The following WWOX variants were observed in gnomAD, a reference collection of about 807,000 sequenced individuals.
The protein encoded by WWOX is WW domain containing oxidoreductase.
A neutral mutation model predicts 46.2 loss-of-function variants in WWOX; 69 were observed. That is an observed-to-expected ratio of 1.49 (90% CI 1.23 to 1.82). The LOEUF is 1.82. Ranked by LOEUF, WWOX falls within the 40% of genes most tolerant of loss-of-function variation. WWOX has a pLI of 0.00. For missense variants in WWOX, 919 were observed against 542.6 expected, an observed-to-expected ratio of 1.69 and a Z score of -6.89; for synonymous variants, 359 against 202.6, an observed-to-expected ratio of 1.77 and a Z score of -6.56.
At chr16:78,810,771 C>G (rs1327159861) in intron 8 of WWOX, among the ~76,000 whole-genome samples, 3 of 152,122 alleles carry the variant, frequency 2.0e-5, no homozygotes, top group African/African-American at 7.2e-5. Flanking sequence ...TGAAGACTTT[C>G]TTTTTGGAGA....
chr16:78,610,301 T>C (rs2045870447), intron 8 of WWOX, among the ~76,000 whole-genome samples: 1 of 152,224 alleles, frequency 6.6e-6, no homozygotes, highest in South Asian at 2.1e-4. Context: ...CATTTAATTT[T>C]TCCACAAAAC....
At chr16:78,802,185 A>G (rs926887176) in intron 8 of WWOX, among the ~76,000 whole-genome samples, 14 of 116,896 alleles carry the variant, frequency 1.2e-4, no homozygotes, top group African/African-American at 3.2e-4. Flanking sequence ...AGTTTGTTTT[A>G]TATTTTGTTT....
At chr16:78,370,028 A>T (rs1017274961) in intron 5 of WWOX, among the ~76,000 whole-genome samples, 9 of 147,736 alleles carry the variant, frequency 6.1e-5, no homozygotes, top group Non-Finnish European at 1.3e-4. Flanking sequence ...GCTACCTGGG[A>T]GGCTGAAGCA....
intron 5 of WWOX, among the ~76,000 whole-genome samples, chr16:78,221,449 A>G (rs1287332354): frequency 1.3e-5 from 2 of 152,230 alleles, no homozygotes; most frequent in African/African-American, 4.8e-5. Flanking sequence ...CTTTGAAGAA[A>G]GCAATCTCCT....
At chr16:78,826,056 G>A (rs2051646336) in intron 8 of WWOX, 5 of 426,496 alleles carry the variant, frequency 1.2e-5, no homozygotes, top group Admixed American at 1.2e-4. Flanking sequence ...GCTTTGTAAA[G>A]ACATTTAATA....
rs899630615 is a variant in WWOX, at chr16:78,278,795, A to G, written c.517-108065A>G. On this transcript the variant is annotated intron_variant, in intron 5 of 8. Coordinates refer to ENST00000566780, the MANE Select transcript of WWOX (RefSeq NM_016373.4). ...TGTACGATTTGCAACAACATCTATT[A>G]TATGATTTAATTTATACCTTTATCA... The G allele has an allele frequency of 1.2e-4, 92 of 782,372 alleles. 4 individuals are homozygous for G. In the South Asian group the frequency reaches 1.5e-3, roughly 13 times the overall value. 48.5% of individuals were successfully genotyped at this position (782,372 alleles called of 1,614,324 possible). A position where few individuals can be genotyped will look rare whatever the true frequency, so the allele number is the denominator to read the frequency against.
At chr16:78,422,575 G>C (rs963143921) in intron 6 of WWOX, among the ~76,000 whole-genome samples, 1 of 147,032 alleles carries the variant, frequency 6.8e-6, no homozygotes, top group Non-Finnish European at 1.5e-5. Context: ...TTGAATACTG[G>C]GCTCAAGTGA....
intron 5 of WWOX, chr16:78,168,350 C>A (rs61747282): frequency 6.6e-6 from 1 of 152,090 alleles, no homozygotes; most frequent in Non-Finnish European, 1.5e-5. Context: ...GGACAGCTAA[C>A]AGCCCCCATT....
chr16:79,158,101 G>A (rs1330210405), intron 8 of WWOX, among the ~76,000 whole-genome samples: 2 of 152,092 alleles, frequency 1.3e-5, no homozygotes, highest in African/African-American at 2.4e-5. Context: ...AAGCATGGGA[G>A]GACAGAAAAG....
intron 8 of WWOX, among the ~76,000 whole-genome samples, chr16:78,564,073 A>G (rs2044505183): frequency 6.6e-6 from 1 of 152,206 alleles, no homozygotes; most frequent in Non-Finnish European, 1.5e-5. Context: ...ATGTTTCCAT[A>G]TTGCCCCAGC....
chr16:78,176,885 T>C (rs1193357616), intron 5 of WWOX, among the ~76,000 whole-genome samples: 1 of 152,200 alleles, frequency 6.6e-6, no homozygotes, highest in Non-Finnish European at 1.5e-5. Flanking sequence ...GTGGTCTCCG[T>C]GGTGTTTCAT....
At chr16:78,361,086 GT>G (rs560286691) in intron 5 of WWOX, among the ~76,000 whole-genome samples, 104 of 152,286 alleles carry the variant, frequency 6.8e-4, no homozygotes, top group Non-Finnish European at 1.1e-3. Flanking sequence ...GCTTCCCAAA[GT>G]GCTGGGATTA....
intron 8 of WWOX, among the ~76,000 whole-genome samples, chr16:78,471,250 A>G (rs1190281940): frequency 6.6e-6 from 1 of 152,212 alleles, no homozygotes; most frequent in East Asian, 1.9e-4. Flanking sequence ...TGTCCTGCCA[A>G]TTCTTGAGCT....
At chr16:79,195,837 G>T (rs388512) in intron 8 of WWOX, among the ~76,000 whole-genome samples, 2 of 152,006 alleles carry the variant, frequency 1.3e-5, no homozygotes, top group East Asian at 1.9e-4. Context: ...GCAAATGTGT[G>T]AGGAATTATA....
At chr16:79,027,827 T>A (rs1434909469) in intron 8 of WWOX, among the ~76,000 whole-genome samples, 1 of 151,902 alleles carries the variant, frequency 6.6e-6, no homozygotes, top group Non-Finnish European at 1.5e-5. Context: ...TTGCCTAGTG[T>A]CTTCTAAAGA....
chr16:79,003,589 G>T (rs1419232199), intron 8 of WWOX, among the ~76,000 whole-genome samples: 1 of 152,300 alleles, frequency 6.6e-6, no homozygotes, highest in African/African-American at 2.4e-5. Flanking sequence ...CAGTTGGCAG[G>T]AGAGCTGGCC....
intron 8 of WWOX, among the ~76,000 whole-genome samples, chr16:78,913,501 C>G (rs902772734): frequency 1.3e-5 from 2 of 152,048 alleles, no homozygotes; most frequent in East Asian, 1.9e-4. Context: ...AAGCCATACA[C>G]AAGCTGGATA....
chr16:78,558,138 C>A (rs1386965453), intron 8 of WWOX, among the ~76,000 whole-genome samples: 1 of 152,154 alleles, frequency 6.6e-6, no homozygotes, highest in Non-Finnish European at 1.5e-5. Flanking sequence ...TGCTTTCACT[C>A]CTGGGCAGCA....
chr16:79,068,273 C>A (rs1176392447), intron 8 of WWOX, among the ~76,000 whole-genome samples: 1 of 152,178 alleles, frequency 6.6e-6, no homozygotes, highest in East Asian at 1.9e-4. Context: ...TCAAGCACTT[C>A]CCATAACTAG....
Sources: allele counts gnomAD v4.1 joint callset (sites outside exome capture counted in the v4.1 genomes callset), GRCh38; gene constraint gnomAD v4.1.1; transcripts MANE v1.5; gene names NCBI Gene and HGNC (gene_info 2026-07-23, HGNC 2026-07-21).